Variants in RC3H2 observed in about 807,000 individuals in gnomAD.
The protein encoded by RC3H2 is roquin-2.
A neutral mutation model predicts 133.3 loss-of-function variants in RC3H2; 31 were observed. That is an observed-to-expected ratio of 0.23 (90% CI 0.17 to 0.31). The LOEUF is 0.31. Ranked by LOEUF, RC3H2 falls within the 10% of genes least tolerant of loss-of-function variation. The pLI, the probability that RC3H2 is intolerant of heterozygous loss-of-function variation, is 1.00. For missense variants in RC3H2, 1,175 were observed against 1,437.2 expected (o/e 0.82, Z 2.95); for synonymous variants, 517 against 502.2 (o/e 1.03, Z -0.40).
At position 122,854,257 on chromosome 9, in the gene RC3H2, G is replaced by GA; in HGVS notation, c.2909dup (p.Ile971HisfsTer4). 1 of 1,611,372 alleles carries GA rather than the reference G, an allele frequency of 6.2e-7. No individual in the cohort carries two copies. The highest frequency in any genetic ancestry group is 8.5e-7 in the Non-Finnish European group (1 of 1,178,366). On this transcript the variant is annotated frameshift_variant, in exon 17 of 21. Coordinates refer to ENST00000357244, the MANE Select transcript of RC3H2 (RefSeq NM_001100588.3). LOFTEE classifies it high-confidence loss of function. ...TATGACCAGATAAATCAGTAACAATGAATCTGTCCCTTTAAAGAGAAATAT... is the reference window on the plus strand; with the variant it reads ...TATGACCAGATAAATCAGTAACAATGAAATCTGTCCCTTTAAAGAGAAATAT...
intron 9 of RC3H2, chr9:122,875,221 G>A (rs1255793533): frequency 2.6e-6 from 4 of 1,551,142 alleles, no homozygotes; most frequent in Non-Finnish European, 3.5e-6. Context: ...ACTGAGAAGA[G>A]AAGCATGTTT....
intron 9 of RC3H2, among the ~76,000 whole-genome samples, chr9:122,869,389 C>T (rs1249360257): frequency 6.6e-6 from 1 of 152,088 alleles, no homozygotes; most frequent in Non-Finnish European, 1.5e-5. Context: ...TTTTAGTCCT[C>T]TGGTATCTAT....
chr9:122,879,560 A>T (rs1831508526), intron 8 of RC3H2, among the ~76,000 whole-genome samples, 195 bp downstream of exon 8: 1 of 152,210 alleles, frequency 6.6e-6, no homozygotes, highest in Non-Finnish European at 1.5e-5. Flanking sequence ...CACACCCAAG[A>T]TACCCTCTAA....
intron 9 of RC3H2, among the ~76,000 whole-genome samples, chr9:122,868,151 T>G (rs898506069): frequency 1.4e-5 from 2 of 146,380 alleles, no homozygotes; most frequent in Non-Finnish European, 3.0e-5. Context: ...CCAGCCGCCC[T>G]GTCGGGGATG....
chr9:122,857,952 G>T lies in RC3H2; in HGVS notation c.2425C>A (p.Pro809Thr), dbSNP rs751150696. ...VATQSPTPPS[P>T]LFSVDFRADF... ...GCACGAAAGTCTACACTGAACAGAG[G>T]AGAAGGTGGTGTTGGTGACTGTGTT... The change falls in exon 13 of 21, where the codon CCT becomes ACT. Residue 809 changes from proline (P) to threonine (T), a missense_variant. Pro to Thr is a conservative substitution (Grantham distance 38). Coordinates refer to ENST00000357244, the MANE Select transcript of RC3H2 (RefSeq NM_001100588.3). 6.2e-7 allele frequency: 1 copy of T among 1,614,140 alleles called. No homozygotes were observed. The highest frequency in any genetic ancestry group is 8.5e-7 in the Non-Finnish European group (1 of 1,179,998).
chr9:122,868,838 TA>T (rs1830895480), intron 9 of RC3H2, among the ~76,000 whole-genome samples: 6 of 109,186 alleles, frequency 5.5e-5, no homozygotes, highest in African/African-American at 7.9e-5. Context: ...TTCCCTCCTA[TA>T]TGTGTGTGTG....
chr9:122,904,660 G>A (rs1006833482), intron 1 of RC3H2, among the ~76,000 whole-genome samples: 1 of 152,130 alleles, frequency 6.6e-6, no homozygotes, highest in African/African-American at 2.4e-5. Context: ...TTTGGCCGGG[G>A]TTCCTATTTA....
chr9:122,892,310 G>A (rs1183665926), intron 3 of RC3H2, among the ~76,000 whole-genome samples: 1 of 151,958 alleles, frequency 6.6e-6, no homozygotes, highest in African/African-American at 2.4e-5. Flanking sequence ...ATGGGCTTTC[G>A]CCTTGTTGCC....
At chr9:122,859,608 T>C (rs1234342019) in intron 11 of RC3H2, among the ~76,000 whole-genome samples, 2 of 152,190 alleles carry the variant, frequency 1.3e-5, no homozygotes, top group Non-Finnish European at 2.9e-5. Flanking sequence ...TCAAAATCTA[T>C]GTAAGTTGTT....
chr9:122,877,622 A>G, intron 8 of RC3H2, 39 bp from the exon 9 acceptor site: 1 of 1,479,610 alleles, frequency 6.8e-7, no homozygotes, highest in Non-Finnish European at 9.4e-7. Context: ...TGGCAAGGTG[A>G]AGATTCCATT....
At position 122,859,991 on chromosome 9, in the gene RC3H2, T is replaced by A; in HGVS notation, c.1775A>T (p.His592Leu). The A allele has an allele frequency of 6.2e-7, 1 of 1,614,164 alleles. No individual in the cohort carries two copies. Among genetic ancestry groups the A allele is most frequent in the Non-Finnish European group, 8.5e-7 (1 of 1,180,010 alleles). The change falls in exon 11 of 21, where the codon CAT (histidine) becomes CTT (leucine). Residue 592 changes from histidine (H) to leucine (L), a missense_variant. By Grantham distance (99) the His-to-Leu change is moderately conservative. Around this residue, in one of 8 missense-constraint regions of RC3H2, gnomAD observed 490 missense variants for 492.8 expected, o/e 0.99. Coordinates refer to ENST00000357244, the MANE Select transcript of RC3H2 (RefSeq NM_001100588.3). ...TTGAAAATACTGAATGTTTTCAGAATGCGGAGGATATACTGGTACTCTAGT... is the reference window on the plus strand; with the variant it reads ...TTGAAAATACTGAATGTTTTCAGAAAGCGGAGGATATACTGGTACTCTAGT... ...FLTRVPVYPP[H>L]SENIQYFQDP...
intron 12 of RC3H2, 80 bp from the exon 13 acceptor site, chr9:122,858,173 G>T: frequency 7.6e-7 from 1 of 1,310,460 alleles, no homozygotes; most frequent in Non-Finnish European, 1.1e-6. Context: ...GATGTAAACA[G>T]TTTATGATAT....
At chr9:122,897,224 G>A in intron 2 of RC3H2, 55 bp downstream of exon 2, 1 of 1,533,688 alleles carries the variant, frequency 6.5e-7, no homozygotes, top group Non-Finnish European at 9.0e-7. Flanking sequence ...TTAAAATAAT[G>A]GCAAAAATAG....
At position 122,858,732 on chromosome 9, in the gene RC3H2, A is replaced by G. The variant is rs1210651819; in HGVS notation, c.2220T>C (p.Asp740=). ...GCTGACAAGCCACCGAATAATATCC[A>G]TCTAATGAGTTATATCTTTCCCGCA... ...TSLRERYNSL[D]GYYSVACQPP... The change falls in exon 12 of 21, where the codon GAT becomes GAC. Residue 740 remains aspartate (D), a synonymous_variant. Transcript: ENST00000357244. The G allele has an allele frequency of 6.2e-7, 1 of 1,614,148 alleles. No homozygotes were observed. The highest frequency in any genetic ancestry group is 1.7e-5 in the Admixed American group (1 of 60,036).
chr9:122,890,558 G>A lies in RC3H2; in HGVS notation c.350-13C>T, dbSNP rs1229024171. On this transcript the variant is annotated splice_polypyrimidine_tract_variant and intron_variant, in intron 3 of 20. Coordinates refer to ENST00000357244, the MANE Select transcript of RC3H2 (RefSeq NM_001100588.3). ...AAGCTAGCTACACCTTTAGGAAAAG[G>A]GAAACAAAGGGAGCTAAAGTTTTTT... 6.4e-6 allele frequency: 10 copies of A among 1,563,012 alleles called. No individual in the cohort carries two copies. Among genetic ancestry groups the A allele is most frequent in the South Asian group, 1.2e-5 (1 of 85,296 alleles).
At chr9:122,880,387 T>C (rs1831566520) in intron 6 of RC3H2, 1 of 700,214 alleles carries the variant, frequency 1.4e-6, no homozygotes, top group Admixed American at 2.5e-5. Flanking sequence ...CTCACTGCTT[T>C]TATGCTAGTA....
intron 18 of RC3H2, among the ~76,000 whole-genome samples, chr9:122,852,255 G>T (rs970076266): frequency 6.7e-6 from 1 of 149,954 alleles, no homozygotes; most frequent in Non-Finnish European, 1.5e-5. Context: ...GAGACCCTCC[G>T]CCCGGCAGCC....
At chr9:122,869,559 G>A (rs1372746726) in intron 9 of RC3H2, among the ~76,000 whole-genome samples, 1 of 105,470 alleles carries the variant, frequency 9.5e-6, no homozygotes, top group Admixed American at 1.5e-4. Flanking sequence ...CAGTTTACAC[G>A]ATTTTTTTTT....
intron 4 of RC3H2, among the ~76,000 whole-genome samples, chr9:122,883,624 A>G (rs1238888086): frequency 1.3e-5 from 2 of 152,238 alleles, no homozygotes; most frequent in Non-Finnish European, 2.9e-5. Context: ...AACAGAACTT[A>G]AAATATATTC....
Sources: gnomAD v4.1 joint callset for allele counts (sites outside exome capture counted in the v4.1 genomes callset) on GRCh38, gnomAD v4.1.1 for gene constraint, gnomAD v4.1.1 regional missense constraint, MANE v1.5 for transcripts, NCBI Gene and HGNC (gene_info 2026-07-23, HGNC 2026-07-21) for gene names.